The following UNC13A variants were observed in gnomAD, a reference collection of about 807,000 sequenced individuals.
UNC13A encodes the protein unc-13 homolog A, also known as protein unc-13 homolog A.
Under a neutral mutation model 219.7 loss-of-function variants are expected in UNC13A, and 61 were observed. The observed-to-expected ratio is 0.28, with a 90% CI of 0.23 to 0.34. UNC13A has a LOEUF of 0.34. Ranked by LOEUF, UNC13A falls within the 10% of genes least tolerant of loss-of-function variation. The pLI is 1.00. For synonymous variants in UNC13A, 920 were observed against 884.6 expected (o/e 1.04, Z -0.71); for missense variants, 1,476 against 2,270.3 (o/e 0.65, Z 7.11).
At position 17,611,818 on chromosome 19, in the gene UNC13A, G is replaced by C; in HGVS notation, c.4596C>G (p.Val1532=). Residue 1532 remains valine (V), a synonymous_variant, in exon 42 of 44, where the codon GTC becomes GTG. Coordinates refer to ENST00000519716, the MANE Select transcript of UNC13A (RefSeq NM_001080421.3). ...GVEDPVGEVS[V]HVELFTHPGT... is the part of the protein sequence containing the mutation. ...CTGGATGAGTGAACAGCTCAACATGGACAGAGACTTCACCCACAGGGTCTT... is the reference window on the plus strand; with the variant it reads ...CTGGATGAGTGAACAGCTCAACATGCACAGAGACTTCACCCACAGGGTCTT... 1 of 1,614,158 alleles carries C rather than the reference G, an allele frequency of 6.2e-7. No individual in the cohort carries two copies. Among genetic ancestry groups the C allele is most frequent in the Non-Finnish European group, 8.5e-7 (1 of 1,179,988 alleles).
intron 19 of UNC13A, 108 bp downstream of exon 19, chr19:17,645,566 C>G: frequency 6.7e-7 from 1 of 1,495,380 alleles, no homozygotes; most frequent in Non-Finnish European, 9.0e-7. Context: ...TTATGCTCCT[C>G]GACCAAACTC....
At position 17,627,961 on chromosome 19, in the gene UNC13A, G is replaced by C. The variant is rs1384290669; in HGVS notation, c.3754-21C>G. 1.3e-6 allele frequency: 2 copies of C among 1,576,158 alleles called. No homozygotes were observed. Among genetic ancestry groups the C allele is most frequent in the Non-Finnish European group, 1.7e-6 (2 of 1,158,100 alleles). ...CAGGGCTGTGGGTGGGAACAGAGAG[G>C]GGAGTCAAGCCTCAGGACCTCTCCC... On this transcript the variant is annotated intron_variant, in intron 31 of 43. Coordinates refer to ENST00000519716, the MANE Select transcript of UNC13A (RefSeq NM_001080421.3). The surrounding 1 kb of genome is among the most constrained non-coding windows in gnomAD (Gnocchi z 4.7).
chr19:17,683,453 T>C (rs1446280087), intron 1 of UNC13A, among the ~76,000 whole-genome samples: 1 of 151,528 alleles, frequency 6.6e-6, no homozygotes, highest in Non-Finnish European at 1.5e-5. Context: ...CCACTAGAGA[T>C]GTATTTGTAT....
intron 23 of UNC13A, 48 bp downstream of exon 23, chr19:17,639,792 A>G: frequency 6.2e-7 from 1 of 1,604,204 alleles, no homozygotes; most frequent in Non-Finnish European, 8.5e-7. Flanking sequence ...CCCTCCAGGC[A>G]CACACATGTG....
chr19:17,676,483 C>T (rs567706180), intron 1 of UNC13A, among the ~76,000 whole-genome samples: 3 of 152,212 alleles, frequency 2.0e-5, no homozygotes, highest in Admixed American at 2.0e-4. Flanking sequence ...GGAGAGGCCT[C>T]CTACAAGAAG....
At chr19:17,614,369 G>C (rs1471518026) in intron 41 of UNC13A, 2 of 152,316 alleles carry the variant, frequency 1.3e-5, no homozygotes, top group East Asian at 3.9e-4. Flanking sequence ...ATCATGGTGT[G>C]GTGGGCTTCT....
intron 4 of UNC13A, among the ~76,000 whole-genome samples, chr19:17,671,632 G>A (rs1206789059): frequency 6.6e-6 from 1 of 151,920 alleles, no homozygotes; most frequent in East Asian, 1.9e-4. Flanking sequence ...AAATAAGGGG[G>A]GCCTGGTGGC....
At chr19:17,608,358 T>C (rs2076558838) in intron 43 of UNC13A, among the ~76,000 whole-genome samples, 1 of 110,754 alleles carries the variant, frequency 9.0e-6, no homozygotes, top group Admixed American at 1.1e-4. Flanking sequence ...ATATATAATA[T>C]AAATATATAT....
chr19:17,652,950 C>CT (rs2079377025), intron 11 of UNC13A, among the ~76,000 whole-genome samples: 1 of 152,172 alleles, frequency 6.6e-6, no homozygotes, highest in Non-Finnish European at 1.5e-5. Flanking sequence ...CCTATAGTCT[C>CT]ACTTGTTCAT....
intron 6 of UNC13A, among the ~76,000 whole-genome samples, chr19:17,666,911 AAAGACAG>A (rs1568268291): frequency 0.09 from 2,876 of 32,020 alleles, 64 homozygotes; most frequent in African/African-American, 0.16. Flanking sequence ...AGAGAGAGAG[AAAGACAG>A]AGACAGAGAC....
intron 43 of UNC13A, among the ~76,000 whole-genome samples, chr19:17,607,559 T>A (rs2076546904): frequency 6.7e-6 from 1 of 148,522 alleles, no homozygotes; most frequent in African/African-American, 2.5e-5. Context: ...ATTACAAGCG[T>A]CAGCCACCGC....
chr19:17,670,491 C>A (rs2079764802), intron 4 of UNC13A, among the ~76,000 whole-genome samples: 1 of 152,086 alleles, frequency 6.6e-6, no homozygotes, highest in Non-Finnish European at 1.5e-5. Context: ...CCTGCCTCAG[C>A]CTCCCAAAGT....
At chr19:17,679,554 G>C (rs1013857053) in intron 1 of UNC13A, among the ~76,000 whole-genome samples, 1 of 151,664 alleles carries the variant, frequency 6.6e-6, no homozygotes, top group Admixed American at 6.6e-5. Context: ...GACAGGCTCT[G>C]GGGGGTGATA....
rs757391788 is a variant in UNC13A at position 17,606,043 on chromosome 19, GACCGCCCGCGCTAAGGCGCAGGCGCGGC to G, written c.5095_*10del. On this transcript the variant is annotated stop_lost and 3_prime_UTR_variant, in exon 44 of 44. Transcript: ENST00000519716. ...CGCGCAGGCGCAGTGCCGCTCGGCC[GACCGCCCGCGCTAAGGCGCAGGCGCGGC>G]ACCGCCCTCCTCGGCGGAGCGCGTG... is the stretch of plus-strand genomic sequence containing the variant. 2.0e-5 allele frequency: 30 copies of G among 1,499,478 alleles called. No individual in the cohort carries two copies. Among genetic ancestry groups the G allele is most frequent in the Admixed American group, 4.9e-5 (2 of 40,598 alleles). The allele number at this position is 1,499,478 out of a possible 1,614,324, so 92.9% of individuals were successfully genotyped here.
rs756643072 is a variant in UNC13A, at chr19:17,604,731, T to G, written c.*1323A>C. 1.3e-5 allele frequency: 2 copies of G among 152,290 alleles called. No homozygotes were observed. Among genetic ancestry groups the G allele is most frequent in the Non-Finnish European group, 2.9e-5 (2 of 68,074 alleles). 9.4% of individuals were successfully genotyped at this position (152,290 alleles called of 1,614,324 possible). ...CCAGGTAACTCCAGCCAGGTCACTG[T>G]AACTTTGCTCATTGGAGAAAGAGCT... On this transcript the variant is annotated 3_prime_UTR_variant, in exon 44 of 44. Coordinates refer to ENST00000519716, the MANE Select transcript of UNC13A (RefSeq NM_001080421.3).
chr19:17,611,069 A>G (rs2076598711), intron 42 of UNC13A, among the ~76,000 whole-genome samples: 1 of 152,188 alleles, frequency 6.6e-6, no homozygotes, highest in Admixed American at 6.5e-5. Flanking sequence ...CACATTAGGG[A>G]TGAAAATGCA....
chr19:17,616,444 T>C, intron 41 of UNC13A: 1 of 690,584 alleles, frequency 1.4e-6, no homozygotes, highest in East Asian at 2.8e-5. Flanking sequence ...AGGGTAAACC[T>C]AGTACCTTTT....
rs957897956 is a variant in UNC13A, at chr19:17,602,395, G to A, written c.*3659C>T. On this transcript the variant is annotated 3_prime_UTR_variant, in exon 44 of 44. Transcript: ENST00000519716. ...TCTACTCTATTCCTCTTGGTCAGGG[G>A]ACTTTGACTCTGAGGCATCCCTCAA... 1.3e-5 allele frequency: 2 copies of A among 152,154 alleles called. No homozygotes were observed. Among genetic ancestry groups the A allele is most frequent in the East Asian group, 3.9e-4 (2 of 5,182 alleles). 9.4% of individuals were successfully genotyped at this position (152,154 alleles called of 1,614,324 possible).
intron 6 of UNC13A, among the ~76,000 whole-genome samples, chr19:17,667,900 C>T (rs1000648810): frequency 6.6e-6 from 1 of 150,692 alleles, no homozygotes; most frequent in Non-Finnish European, 1.5e-5. Context: ...GGATTACAGG[C>T]GTGAGCCACT....
Sources: gnomAD v4.1 joint callset for allele counts (sites outside exome capture counted in the v4.1 genomes callset) on GRCh38, gnomAD v4.1.1 for gene constraint, Gnocchi (gnomAD v3.1) non-coding constraint, MANE v1.5 for transcripts, NCBI Gene and HGNC (gene_info 2026-07-23, HGNC 2026-07-21) for gene names.